The following NAALADL2 variants were observed in gnomAD, a reference collection of about 807,000 sequenced individuals.
The protein encoded by NAALADL2 is inactive N-acetylated-alpha-linked acidic dipeptidase-like protein 2.
Under a neutral mutation model 87.2 loss-of-function variants are expected in NAALADL2, and 76 were observed. The ratio of observed to expected loss-of-function variants is 0.87; its 90% CI spans 0.72 to 1.05. The LOEUF (loss-of-function observed/expected upper bound fraction) is 1.05, where lower values mean the gene tolerates loss of function less well. Ranked by LOEUF, NAALADL2 falls within the 50% of genes least tolerant of loss-of-function variation. The probability of loss-of-function intolerance (pLI) is 0.00; values close to 1 mark genes in which losing one functional copy is unlikely to be tolerated. For missense variants in NAALADL2, 1,089 were observed against 945.8 expected (o/e 1.15, Z -1.99); for synonymous variants, 354 against 331.0 (o/e 1.07, Z -0.75).
chr3:175,260,626 G>A (rs1055795552), intron 4 of NAALADL2, among the ~76,000 whole-genome samples: 1 of 152,170 alleles, frequency 6.6e-6, no homozygotes, highest in Admixed American at 6.5e-5. Flanking sequence ...ACTTCTTTAT[G>A]AATCAACAGT....
chr3:175,008,188 G>T (rs1474440419), intron 1 of NAALADL2, among the ~76,000 whole-genome samples: 1 of 152,054 alleles, frequency 6.6e-6, no homozygotes, highest in Non-Finnish European at 1.5e-5. Context: ...GACCAGCCTA[G>T]CCAACATAGT....
At chr3:174,990,109 C>G (rs1425762487) in intron 1 of NAALADL2, among the ~76,000 whole-genome samples, 1 of 152,094 alleles carries the variant, frequency 6.6e-6, no homozygotes, top group Non-Finnish European at 1.5e-5. Context: ...TATGATGTAT[C>G]TTGAAATAGC....
intron 9 of NAALADL2, among the ~76,000 whole-genome samples, chr3:175,475,501 G>A (rs1725564456): frequency 6.6e-6 from 1 of 152,058 alleles, no homozygotes; most frequent in Non-Finnish European, 1.5e-5. Context: ...CCATATTTTA[G>A]GCAGCATTCT....
At chr3:174,739,433 TA>T (rs1733542804) in intron 3 of NAALADL2, among the ~76,000 whole-genome samples, 1 of 152,114 alleles carries the variant, frequency 6.6e-6, no homozygotes, top group South Asian at 2.1e-4. Flanking sequence ...GAGAGAATTA[TA>T]AGGAGCTAGG....
Position 174,712,692 on chromosome 3 carries a change from C to T in NAALADL2, c.-114-24949C>T, listed in dbSNP as rs189613265. ...TCAGCTACCGCGCTCGGCCTCACTT[C>T]TACTCTTAACCCAGCAGTATTTCAT... On this transcript the variant is annotated intron_variant, in intron 2 of 3. Transcript: ENST00000434257. 2.3e-3 allele frequency among the ~76,000 whole-genome samples: 355 copies of T among 152,172 alleles called. 2 individuals are homozygous for T. Among genetic ancestry groups the T allele is most frequent in the African/African-American group, 8.1e-3 (338 of 41,546 alleles).
chr3:174,833,550 A>T (rs913681459), intron 3 of NAALADL2, among the ~76,000 whole-genome samples: 31 of 152,130 alleles, frequency 2.0e-4, no homozygotes, highest in Admixed American at 5.2e-4. Context: ...CACGTATATT[A>T]TGAAGCCAGT....
intron 3 of NAALADL2, among the ~76,000 whole-genome samples, chr3:174,777,423 G>C (rs1443988832): frequency 6.6e-6 from 1 of 152,046 alleles, no homozygotes; most frequent in African/African-American, 2.4e-5. Flanking sequence ...TTTCTAGTTG[G>C]AACCTAATTG....
chr3:175,296,075 C>T (rs1193633540), intron 4 of NAALADL2, among the ~76,000 whole-genome samples: 1 of 34,408 alleles, frequency 2.9e-5, no homozygotes, highest in Non-Finnish European at 1.2e-4. Context: ...CCTTAACTAT[C>T]TGCCTGATTA....
chr3:175,175,927 A>G (rs570732001), intron 2 of NAALADL2, among the ~76,000 whole-genome samples: 1 of 152,172 alleles, frequency 6.6e-6, no homozygotes, highest in East Asian at 1.9e-4. Flanking sequence ...ATCTTCAGTT[A>G]CCATCTTTTT....
intron 3 of NAALADL2, among the ~76,000 whole-genome samples, chr3:174,835,347 G>A (rs1393109282): frequency 2.0e-5 from 3 of 151,914 alleles, no homozygotes; most frequent in Non-Finnish European, 2.9e-5. Flanking sequence ...CATATAAAAC[G>A]GTTAACTTGA....
chr3:174,667,545 G>GTTTTTT (rs71162402), intron 2 of NAALADL2, among the ~76,000 whole-genome samples: 64,398 of 122,610 alleles, frequency 0.53, 18,181 homozygotes, highest in Non-Finnish European at 0.63. Flanking sequence ...ATGGGAGAGA[G>GTTTTTT]TTTTTTTTTT....
intron 11 of NAALADL2, among the ~76,000 whole-genome samples, chr3:175,706,628 G>A (rs1204069684): frequency 6.6e-6 from 1 of 152,076 alleles, no homozygotes; most frequent in Non-Finnish European, 1.5e-5. Context: ...TAGTCACATT[G>A]TCTCCCAGAA....
At chr3:175,133,394 G>A (rs1473277681) in intron 2 of NAALADL2, among the ~76,000 whole-genome samples, 2 of 151,962 alleles carry the variant, frequency 1.3e-5, no homozygotes, top group African/African-American at 2.4e-5. Context: ...AGGTTGTAGC[G>A]AGCCGATATC....
At chr3:174,661,994 G>A (rs1435660329) in intron 2 of NAALADL2, among the ~76,000 whole-genome samples, 1 of 152,134 alleles carries the variant, frequency 6.6e-6, no homozygotes, top group Non-Finnish European at 1.5e-5. Flanking sequence ...AAGTTGAGAA[G>A]TAATGAAGAC....
chr3:174,995,072 G>A (rs774485275), intron 1 of NAALADL2, among the ~76,000 whole-genome samples: 2 of 151,498 alleles, frequency 1.3e-5, no homozygotes, highest in Admixed American at 6.6e-5. Flanking sequence ...TATTTATTCT[G>A]GCCATTTAGA....
intron 11 of NAALADL2, among the ~76,000 whole-genome samples, chr3:175,642,540 G>A (rs927579079): frequency 3.4e-5 from 5 of 146,034 alleles, no homozygotes; most frequent in South Asian, 2.1e-4. Flanking sequence ...TCGCTCTGTC[G>A]CCCAGGTTGG....
chr3:175,453,378 T>G (rs1050582518), intron 6 of NAALADL2, among the ~76,000 whole-genome samples: 2 of 152,140 alleles, frequency 1.3e-5, no homozygotes, highest in African/African-American at 4.8e-5. Context: ...ATATTTCTCC[T>G]TATTATTCTG....
At chr3:174,882,559 G>GTA (rs1410282696) in intron 1 of NAALADL2, among the ~76,000 whole-genome samples, 10 of 140,586 alleles carry the variant, frequency 7.1e-5, no homozygotes, top group Non-Finnish European at 9.0e-5. Context: ...GTACATATGT[G>GTA]TATATATACA....
intron 1 of NAALADL2, among the ~76,000 whole-genome samples, chr3:174,522,866 G>A (rs1310646992): frequency 7.3e-5 from 11 of 150,482 alleles, no homozygotes; most frequent in African/African-American, 1.2e-4. Flanking sequence ...CCCGGGAGGC[G>A]GAGCTTGCAG....
Sources: allele counts gnomAD v4.1 joint callset (sites outside exome capture counted in the v4.1 genomes callset), GRCh38; gene constraint gnomAD v4.1.1; transcripts MANE v1.5; gene names NCBI Gene and HGNC (gene_info 2026-07-23, HGNC 2026-07-21).